CYP7B1: variants seen among roughly 807,000 people sequenced by gnomAD.
CYP7B1 encodes the protein cytochrome P450 family 7 subfamily B member 1, also known as cytochrome P450 7B1.
A neutral mutation model predicts 42.7 loss-of-function variants in CYP7B1; 29 were observed. The ratio of observed to expected loss-of-function variants is 0.68; its 90% CI spans 0.51 to 0.93. CYP7B1 has a LOEUF of 0.93. Ranked by LOEUF, CYP7B1 falls within the 40% of genes least tolerant of loss-of-function variation. The pLI, the probability that CYP7B1 is intolerant of heterozygous loss-of-function variation, is 0.00. For missense variants in CYP7B1, 655 were observed against 600.5 expected (o/e 1.09, Z -0.95); for synonymous variants, 235 against 218.2 (o/e 1.08, Z -0.68).
chr8:64,625,086 G>T (rs567474000), intron 1 of CYP7B1, among the ~76,000 whole-genome samples: 1 of 139,218 alleles, frequency 7.2e-6, no homozygotes, highest in Non-Finnish European at 1.5e-5. Flanking sequence ...CCATTCTCCC[G>T]CCTCAGCCTC....
At chr8:64,744,839 C>T (rs1203415238) in intron 1 of CYP7B1, among the ~76,000 whole-genome samples, 2 of 152,150 alleles carry the variant, frequency 1.3e-5, no homozygotes, top group African/African-American at 4.8e-5. Context: ...ATAAACTATA[C>T]ATGTATGTAT....
intron 4 of CYP7B1, among the ~76,000 whole-genome samples, chr8:64,606,904 C>T (rs186063030): frequency 2.0e-5 from 3 of 152,230 alleles, no homozygotes; most frequent in East Asian, 1.9e-4. Flanking sequence ...AGCCCCAGTA[C>T]GAATGCAGGC....
intron 1 of CYP7B1, among the ~76,000 whole-genome samples, chr8:64,792,097 G>A (rs1354213853): frequency 2.6e-5 from 4 of 152,140 alleles, no homozygotes; most frequent in African/African-American, 4.8e-5. Flanking sequence ...GAGTAAAAGG[G>A]ATCCTTATAT....
At position 64,594,907 on chromosome 8, in the gene CYP7B1, G is replaced by C. The variant is rs958222041; in HGVS notation, c.*1735C>G. Among the ~76,000 whole-genome samples the C allele has an allele frequency of 6.6e-6, 1 of 152,210 alleles. No individual in the cohort carries two copies. The highest frequency in any genetic ancestry group is 2.4e-5 in the African/African-American group (1 of 41,456). On this transcript the variant is annotated 3_prime_UTR_variant, in exon 6 of 6. Transcript: ENST00000310193. ...TGAGAAGATTCCATACTTGATGGGA[G>C]ACACCTGTGCTCAGATTCAAGAAGC... is the stretch of plus-strand genomic sequence containing the variant.
At chr8:64,751,493 T>C (rs1220038825) in intron 1 of CYP7B1, among the ~76,000 whole-genome samples, 1 of 152,186 alleles carries the variant, frequency 6.6e-6, no homozygotes, top group African/African-American at 2.4e-5. Context: ...ATTTAATTTA[T>C]TTTTACTACT....
At chr8:64,639,913 G>T (rs7825127) in intron 1 of CYP7B1, among the ~76,000 whole-genome samples, 2,469 of 151,782 alleles carry the variant, frequency 0.016, 36 homozygotes, top group Middle Eastern at 0.034. Context: ...TCTACACAAT[G>T]GAATAATATT....
intron 1 of CYP7B1, among the ~76,000 whole-genome samples, chr8:64,635,987 T>C (rs1193374734): frequency 6.6e-6 from 1 of 152,202 alleles, no homozygotes; most frequent in African/African-American, 2.4e-5. Flanking sequence ...GTTGTTGTTG[T>C]TTCTAATCTG....
intron 1 of CYP7B1, among the ~76,000 whole-genome samples, chr8:64,680,567 C>CAAA (rs36027601): frequency 3.3e-4 from 49 of 149,766 alleles, no homozygotes; most frequent in East Asian, 1.2e-3. Flanking sequence ...TAAGAATTCA[C>CAAA]AAAAAAAAAC....
At chr8:64,782,791 T>C (rs1186882426) in intron 1 of CYP7B1, among the ~76,000 whole-genome samples, 5 of 152,206 alleles carry the variant, frequency 3.3e-5, no homozygotes, top group Non-Finnish European at 5.9e-5. Context: ...CCATGAATCA[T>C]TAAATGGTTA....
At chr8:64,600,328 T>G (rs986790433) in intron 5 of CYP7B1, among the ~76,000 whole-genome samples, 1 of 152,172 alleles carries the variant, frequency 6.6e-6, no homozygotes, top group African/African-American at 2.4e-5. Context: ...GTTCAACAGA[T>G]TTTTTTGGAG....
chr8:64,748,653 C>T (rs1157070269), intron 1 of CYP7B1, among the ~76,000 whole-genome samples: 1 of 152,154 alleles, frequency 6.6e-6, no homozygotes, highest in African/African-American at 2.4e-5. Flanking sequence ...TGTTAGTATT[C>T]TTCAGGGTTC....
intron 1 of CYP7B1, among the ~76,000 whole-genome samples, chr8:64,633,577 T>C (rs1805728300): frequency 6.6e-6 from 1 of 152,146 alleles, no homozygotes; most frequent in Non-Finnish European, 1.5e-5. Flanking sequence ...ACAAAATATG[T>C]ATAAAATCTA....
chr8:64,620,907 C>T (rs1044418342), intron 2 of CYP7B1, among the ~76,000 whole-genome samples: 1 of 152,090 alleles, frequency 6.6e-6, no homozygotes, highest in African/African-American at 2.4e-5. Context: ...CAGAAATTGG[C>T]TATTTTTTTG....
intron 1 of CYP7B1, among the ~76,000 whole-genome samples, chr8:64,637,536 A>G (rs528214241): frequency 2.0e-5 from 3 of 152,320 alleles, no homozygotes; most frequent in African/African-American, 7.2e-5. Flanking sequence ...TGATTACTTC[A>G]GGAAATCCAT....
intron 1 of CYP7B1, among the ~76,000 whole-genome samples, chr8:64,631,635 T>G (rs1207473794): frequency 2.0e-5 from 3 of 152,090 alleles, no homozygotes. Context: ...AAAGAAAACC[T>G]ACAGAATGGA....
intron 5 of CYP7B1, among the ~76,000 whole-genome samples, chr8:64,602,765 G>A (rs1215039441): frequency 6.6e-6 from 1 of 152,100 alleles, no homozygotes; most frequent in Non-Finnish European, 1.5e-5. Flanking sequence ...ATGGTGGCTT[G>A]GGATGGACAT....
chr8:64,737,896 C>G (rs966205957), intron 1 of CYP7B1, among the ~76,000 whole-genome samples: 3 of 152,144 alleles, frequency 2.0e-5, no homozygotes, highest in Admixed American at 1.3e-4. Flanking sequence ...GTTTTATGTT[C>G]TACTTATTTG....
chr8:64,796,538 CTT>C (rs1367071246), intron 1 of CYP7B1, among the ~76,000 whole-genome samples: 1 of 152,134 alleles, frequency 6.6e-6, no homozygotes, highest in Non-Finnish European at 1.5e-5. Flanking sequence ...TAAATTGAGA[CTT>C]AGAGTAGTTT....
At chr8:64,686,290 C>G (rs1337519400) in intron 1 of CYP7B1, among the ~76,000 whole-genome samples, 5 of 44,836 alleles carry the variant, frequency 1.1e-4, no homozygotes, top group Non-Finnish European at 2.0e-4. Context: ...GGGGGTCGGC[C>G]CCCCACCCGG....
Sources: gnomAD v4.1 joint callset for allele counts (sites outside exome capture counted in the v4.1 genomes callset) on GRCh38, gnomAD v4.1.1 for gene constraint, MANE v1.5 for transcripts, NCBI Gene and HGNC (gene_info 2026-07-23, HGNC 2026-07-21) for gene names.